The following DVL2 variants were observed in gnomAD, a reference collection of about 807,000 sequenced individuals.
DVL2 encodes segment polarity protein dishevelled homolog DVL-2.
DVL2 carries 38 observed loss-of-function variants against 69.8 expected under a neutral mutation model. The ratio of observed to expected loss-of-function variants is 0.54; its 90% CI spans 0.42 to 0.71. The LOEUF (loss-of-function observed/expected upper bound fraction) is 0.71, where lower values mean the gene tolerates loss of function less well. DVL2 is among the 30% of genes least tolerant of loss of function. The pLI, the probability that DVL2 is intolerant of heterozygous loss-of-function variation, is 0.00. For synonymous variants in DVL2, 428 were observed against 392.4 expected, an observed-to-expected ratio of 1.09 and a Z score of -1.07; for missense variants, 931 against 1,008.1, an observed-to-expected ratio of 0.92 and a Z score of 1.04.
At position 7,229,938 on chromosome 17, in the gene DVL2, C is replaced by T; in HGVS notation, c.526G>A (p.Gly176Ser). Residue 176 changes from glycine (G) to serine (S), a missense_variant, in exon 5 of 15, where the codon GGC becomes AGC. Around this residue, in one of 3 missense-constraint regions of DVL2, gnomAD observed 555 missense variants for 588.8 expected, o/e 0.94. Coordinates refer to ENST00000005340, the MANE Select transcript of DVL2 (RefSeq NM_004422.3). The surrounding 1 kb of genome is among the most constrained non-coding windows in gnomAD (Gnocchi z 4.4). Reference protein sequence around the residue: ...RRDSSEHGAGGHRTGGPSRLE... With the variant: ...RRDSSEHGAGSHRTGGPSRLE... ...CTTGAGGGGCCACCAGTCCTGTGGC[C>T]CCCAGCTACATATGGACAGGAAGCT... The T allele has an allele frequency of 6.2e-7, 1 of 1,608,308 alleles. No individual in the cohort carries two copies. The highest frequency in any genetic ancestry group is 1.1e-5 in the South Asian group (1 of 91,082).
chr17:7,230,181 C>T (rs534885127), intron 3 of DVL2, 26 bp from the exon 4 acceptor site: 1 of 1,612,364 alleles, frequency 6.2e-7, no homozygotes, highest in South Asian at 1.1e-5. Context: ...TGGTTTCCAA[C>T]CCACATCAGG....
intron 9 of DVL2, chr17:7,228,604 G>T: frequency 1.0e-5 from 2 of 196,036 alleles, no homozygotes; most frequent in African/African-American, 2.4e-5. Context: ...TTTTTGAGAC[G>T]GAGTCTTGCT....
rs2071605921 is a variant in DVL2 at position 7,234,510 on chromosome 17, A to G, written c.-248T>C. The G allele has an allele frequency of 3.8e-6, 2 of 528,010 alleles. No individual in the cohort carries two copies. Among genetic ancestry groups the G allele is most frequent in the East Asian group, 3.4e-5 (1 of 29,076 alleles). 32.7% of individuals were successfully genotyped at this position (528,010 alleles called of 1,614,324 possible). On this transcript the variant is annotated 5_prime_UTR_variant, in exon 1 of 15. Coordinates refer to ENST00000005340, the MANE Select transcript of DVL2 (RefSeq NM_004422.3). ...GCCACCGACGCCGCGAGCTTCCTCC[A>G]GGTACCCGCCCACCTCTCCTCATGT...
At chr17:7,233,756 C>G (rs2071585366) in intron 1 of DVL2, among the ~76,000 whole-genome samples, 1 of 152,178 alleles carries the variant, frequency 6.6e-6, no homozygotes, top group South Asian at 2.1e-4. Context: ...ACGTACTAAA[C>G]AACCAGACAA....
chr17:7,229,672 G>A lies in DVL2; in HGVS notation c.663C>T (p.Ser221=). 1 of 1,551,442 alleles carries A rather than the reference G, an allele frequency of 6.4e-7. No homozygotes were observed. Among genetic ancestry groups the A allele is most frequent in the South Asian group, 1.2e-5 (1 of 81,110 alleles). ...SDEEDTMSRF[S]SSTEQSSASR... Reference sequence around the variant, plus strand: ...AGGCACTGCTCTGCTCCGTGGAGCTGCTGAACCTACCAGGAGGTTGGGAAG... The same window carrying A: ...AGGCACTGCTCTGCTCCGTGGAGCTACTGAACCTACCAGGAGGTTGGGAAG... The change falls in exon 6 of 15, where the codon AGC becomes AGT. Residue 221 remains serine (S), a synonymous_variant. Coordinates refer to ENST00000005340, the MANE Select transcript of DVL2 (RefSeq NM_004422.3). The surrounding 1 kb of genome is among the most constrained non-coding windows in gnomAD (Gnocchi z 4.4).
At chr17:7,230,580 AG>A in intron 2 of DVL2, 147 bp downstream of exon 2, 1 of 1,334,856 alleles carries the variant, frequency 7.5e-7, no homozygotes, top group South Asian at 1.4e-5. Context: ...GAGAAGGCTG[AG>A]GGCCTCTCGC....
At chr17:7,231,770 G>A (rs1268688281) in intron 1 of DVL2, among the ~76,000 whole-genome samples, 1 of 151,454 alleles carries the variant, frequency 6.6e-6, no homozygotes, top group Non-Finnish European at 1.5e-5. Flanking sequence ...GGCCAAAGCA[G>A]GAGAATCGCT....
At chr17:7,230,845 AC>A (rs1165105683) in intron 1 of DVL2, 48 bp from the exon 2 acceptor site, 4 of 1,420,300 alleles carry the variant, frequency 2.8e-6, no homozygotes, top group Admixed American at 2.0e-5. Context: ...AACCATCCCC[AC>A]CCCGACCCCC....
rs549419984 is a variant in DVL2 at position 7,234,430 on chromosome 17, G to A, written c.-168C>T. On this transcript the variant is annotated 5_prime_UTR_variant, in exon 1 of 15. Transcript: ENST00000005340. ...GGATCTGCGAGGGTGGCGGCGGGGG[G>A]CGGGCCGCGGGGTGCGACTCAAAGC... The A allele has an allele frequency of 2.9e-5, 23 of 791,392 alleles. No individual in the cohort carries two copies. In the South Asian group the frequency reaches 3.7e-4, roughly 13 times the overall value. 49.0% of individuals were successfully genotyped at this position (791,392 alleles called of 1,614,324 possible).
Position 7,227,523 on chromosome 17 carries a change from C to T in DVL2, c.1244G>A (p.Arg415Gln), listed in dbSNP as rs149100313. 9.8e-4 allele frequency: 1,580 copies of T among 1,613,966 alleles called. 15 individuals carry two copies. The African/African-American group carries it at 0.019, about 19-fold the overall frequency. Reference sequence around the variant, plus strand: ...CATGTCCGTATGGACGGAGAGACCCCGGCCTTCACAGCCTGGCAGAGGAGA... The same window carrying T: ...CATGTCCGTATGGACGGAGAGACCCTGGCCTTCACAGCCTGGCAGAGGAGA... ...GSSLPDGCEGRGLSVHTDMAS... is the reference protein window; with the variant it reads ...GSSLPDGCEGQGLSVHTDMAS... The change falls in exon 12 of 15, where the codon CGG becomes CAG. Residue 415 changes from arginine to glutamine, a missense_variant. Transcript: ENST00000005340.
Position 7,227,391 on chromosome 17 carries a change from G to C in DVL2, c.1363+13C>G. The C allele has an allele frequency of 1.2e-6, 2 of 1,612,868 alleles. No individual in the cohort carries two copies. The highest frequency in any genetic ancestry group is 1.7e-6 in the Non-Finnish European group (2 of 1,178,968). ...TCCCCTTCTCCAGCCACCTGCCCAG[G>C]ACCCAGCCATACCCAGAAAGGCATT... On this transcript the variant is annotated intron_variant, in intron 12 of 14. Transcript: ENST00000005340.
rs757334154 is a variant in DVL2 at position 7,230,470 on chromosome 17, G to A, written c.265-40C>T. The A allele has an allele frequency of 2.5e-6, 4 of 1,608,916 alleles. No individual in the cohort carries two copies. The South Asian group carries it at 4.4e-5, about 18-fold the overall frequency. ...ATGATAAACAGTGGCTCACTTGGGA[G>A]TCAGGGTGTGACAGGTGGCAGTAAG... On this transcript the variant is annotated intron_variant, in intron 2 of 14. Coordinates refer to ENST00000005340, the MANE Select transcript of DVL2 (RefSeq NM_004422.3).
Position 7,234,029 on chromosome 17 carries a change from A to G in DVL2, c.194+40T>C, listed in dbSNP as rs201652371. On this transcript the variant is annotated intron_variant, in intron 1 of 14. Coordinates refer to ENST00000005340, the MANE Select transcript of DVL2 (RefSeq NM_004422.3). ...CCCTCCATGTCGCCCAATCCACTCT[A>G]GCAAAGCCCCCGCCGGTCCTATCTA... 344 of 1,606,500 alleles carry G rather than the reference A, an allele frequency of 2.1e-4. No individual in the cohort carries two copies. The African/African-American group carries it at 3.5e-3, about 17-fold the overall frequency.
rs143663171 is a variant in DVL2 at position 7,226,119 on chromosome 17, C to A, written c.1957G>T (p.Gly653Trp). ...TGGGCTCGGAGATTAGGGGCACCCC[C>A]AGTTGAGCCTCTGGATGGAGGAGGG... ...GGPPPSRGST[G>W]GAPNLRAHPG... The change falls in exon 15 of 15, where the codon GGG becomes TGG. Residue 653 changes from glycine to tryptophan, a missense_variant. Around this residue, in one of 3 missense-constraint regions of DVL2, gnomAD observed 314 missense variants for 313.7 expected, o/e 1.00. Transcript: ENST00000005340. 6.3e-7 allele frequency: 1 copy of A among 1,599,476 alleles called. No homozygotes were observed. Among genetic ancestry groups the A allele is most frequent in the Non-Finnish European group, 8.5e-7 (1 of 1,172,410 alleles).
rs375396343 is a variant in DVL2 at position 7,226,087 on chromosome 17, C to T, written c.1989G>A (p.Gly663=). ...GGAPNLRAHP[G]LHPYGPPPGM... ...CAGGGGGCGGTCCATAGGGATGGAGCCCTGGGTGGGCTCGGAGATTAGGGG... is the reference window on the plus strand; with the variant it reads ...CAGGGGGCGGTCCATAGGGATGGAGTCCTGGGTGGGCTCGGAGATTAGGGG... The change falls in exon 15 of 15, where the codon GGG becomes GGA. Residue 663 remains glycine, a synonymous_variant. Coordinates refer to ENST00000005340, the MANE Select transcript of DVL2 (RefSeq NM_004422.3). The T allele has an allele frequency of 1.9e-6, 3 of 1,595,460 alleles. No homozygotes were observed. Among genetic ancestry groups the T allele is most frequent in the Non-Finnish European group, 2.6e-6 (3 of 1,169,802 alleles).
In DVL2 at chr17:7,234,426, G is replaced by T. The variant is rs1226523044; in HGVS notation, c.-164C>A. 2.2e-5 allele frequency: 18 copies of T among 824,962 alleles called. No homozygotes were observed. Among genetic ancestry groups the T allele is most frequent in the South Asian group, 1.3e-4 (7 of 52,250 alleles). 51.1% of individuals were successfully genotyped at this position (824,962 alleles called of 1,614,324 possible). A position where few individuals can be genotyped will look rare whatever the true frequency, so the allele number is the denominator to read the frequency against. On this transcript the variant is annotated 5_prime_UTR_variant, in exon 1 of 15. Coordinates refer to ENST00000005340, the MANE Select transcript of DVL2 (RefSeq NM_004422.3). The stretch of plus-strand genomic sequence containing the variant: ...GCACGGATCTGCGAGGGTGGCGGCG[G>T]GGGGCGGGCCGCGGGGTGCGACTCA...
chr17:7,233,955 C>G (rs1349950502), intron 1 of DVL2, 114 bp downstream of exon 1: 2 of 1,152,784 alleles, frequency 1.7e-6, no homozygotes, highest in South Asian at 1.3e-5. Flanking sequence ...GTACAATCTG[C>G]TCCACCATAG....
At chr17:7,233,286 A>C (rs547794689) in intron 1 of DVL2, among the ~76,000 whole-genome samples, 119 of 152,000 alleles carry the variant, frequency 7.8e-4, no homozygotes, top group African/African-American at 2.8e-3. Flanking sequence ...TGTCTGCACC[A>C]GTCTAGATTG....
Position 7,229,557 on chromosome 17 carries a change from C to T in DVL2, c.747+31G>A, listed in dbSNP as rs756136356. On this transcript the variant is annotated intron_variant, in intron 6 of 14. Transcript: ENST00000005340. This position sits in a 1 kb window ranked among gnomAD's most constrained non-coding sequence, Gnocchi z 4.4. The stretch of plus-strand genomic sequence containing the variant: ...CCAAAGCCCATGCCCCACCTTCTCC[C>T]AGCACCAGCCTTCCTGTAGGAACCC... The T allele has an allele frequency of 1.7e-5, 27 of 1,594,784 alleles. No individual in the cohort carries two copies. In the East Asian group the frequency reaches 5.6e-4, roughly 33 times the overall value.
Sources: gnomAD v4.1 joint callset for allele counts (sites outside exome capture counted in the v4.1 genomes callset) on GRCh38, gnomAD v4.1.1 for gene constraint, gnomAD v4.1.1 regional missense constraint, Gnocchi (gnomAD v3.1) non-coding constraint, MANE v1.5 for transcripts, NCBI Gene and HGNC (gene_info 2026-07-23, HGNC 2026-07-21) for gene names.